Variants in NRXN3 observed in about 807,000 individuals in gnomAD.
NRXN3 encodes neurexin 3.
NRXN3 carries 32 observed loss-of-function variants against 137.6 expected under a neutral mutation model. That is an observed-to-expected ratio of 0.23 (90% CI 0.18 to 0.31). The LOEUF is 0.31. Among genes scored for constraint, NRXN3 ranks in the 10% least tolerant of loss-of-function variants. NRXN3 has a pLI of 1.00. For synonymous variants in NRXN3, 798 were observed against 784.5 expected (o/e 1.02, Z -0.29); for missense variants, 1,574 against 2,062.5 (o/e 0.76, Z 4.59).
chr14:78,290,582 C>T (rs560252099), intron 3 of NRXN3, among the ~76,000 whole-genome samples: 54 of 152,154 alleles, frequency 3.5e-4, no homozygotes, highest in African/African-American at 9.9e-4. Context: ...CAGTGAGCCA[C>T]GATCCACGAT....
intron 16 of NRXN3, among the ~76,000 whole-genome samples, chr14:79,614,215 G>GT (rs1225283842): frequency 6.6e-6 from 1 of 152,190 alleles, no homozygotes; most frequent in Non-Finnish European, 1.5e-5. Flanking sequence ...CATATACAAA[G>GT]TGTTTGAAGT....
chr14:78,859,365 GA>G (rs1041141583), intron 10 of NRXN3, among the ~76,000 whole-genome samples: 17 of 152,106 alleles, frequency 1.1e-4, no homozygotes, highest in African/African-American at 3.9e-4. Context: ...CTGGAATAAA[GA>G]GTAATAAAAC....
At chr14:78,343,308 A>T (rs2082346208) in intron 4 of NRXN3, among the ~76,000 whole-genome samples, 2 of 152,156 alleles carry the variant, frequency 1.3e-5, no homozygotes, top group Admixed American at 6.5e-5. Flanking sequence ...TCTATCTATG[A>T]TGAGGGTCAA....
At chr14:79,138,942 TG>T (rs1225406337) in intron 15 of NRXN3, among the ~76,000 whole-genome samples, 1 of 152,136 alleles carries the variant, frequency 6.6e-6, no homozygotes, top group East Asian at 1.9e-4. Context: ...ATGGAGGAGA[TG>T]GGGATGGATT....
chr14:78,708,048 T>C (rs996087822), intron 6 of NRXN3, among the ~76,000 whole-genome samples: 2 of 152,226 alleles, frequency 1.3e-5, no homozygotes, highest in Non-Finnish European at 2.9e-5. Flanking sequence ...TGACTTCTTT[T>C]CCTCTGGGTA....
intron 15 of NRXN3, among the ~76,000 whole-genome samples, chr14:79,146,420 G>A (rs1439171505): frequency 6.6e-6 from 1 of 152,080 alleles, no homozygotes; most frequent in African/African-American, 2.4e-5. Context: ...ATAGTAACAT[G>A]ACAAATTCAA....
chr14:78,824,447 A>C (rs1331072687), intron 10 of NRXN3, among the ~76,000 whole-genome samples: 1 of 152,208 alleles, frequency 6.6e-6, no homozygotes, highest in East Asian at 1.9e-4. Context: ...GCACGGTGCT[A>C]ATCATATAGA....
intron 20 of NRXN3, among the ~76,000 whole-genome samples, chr14:79,833,971 A>G (rs2099330067): frequency 6.6e-6 from 1 of 152,192 alleles, no homozygotes; most frequent in South Asian, 2.1e-4. Flanking sequence ...GTAAACAGGC[A>G]GAGGAAAAGA....
chr14:79,799,494 A>T (rs1161148102), intron 19 of NRXN3, among the ~76,000 whole-genome samples: 3 of 152,206 alleles, frequency 2.0e-5, no homozygotes, highest in Non-Finnish European at 4.4e-5. Context: ...AGGGCAGGAC[A>T]TGAAATTCAT....
At chr14:79,365,841 G>T (rs1358138247) in intron 15 of NRXN3, among the ~76,000 whole-genome samples, 1 of 150,564 alleles carries the variant, frequency 6.6e-6, no homozygotes, top group Non-Finnish European at 1.5e-5. Context: ...TTTTTTTAAA[G>T]GTGCCTTCAA....
intron 10 of NRXN3, among the ~76,000 whole-genome samples, chr14:78,851,451 C>T (rs573375238): frequency 3.3e-5 from 5 of 152,256 alleles, no homozygotes; most frequent in African/African-American, 1.2e-4. Flanking sequence ...GAGAGTGTGG[C>T]CTAGATCTCA....
At chr14:78,226,531 T>C (rs972483140) in intron 1 of NRXN3, among the ~76,000 whole-genome samples, 2 of 152,206 alleles carry the variant, frequency 1.3e-5, no homozygotes, top group Admixed American at 1.3e-4. Context: ...TAGCAGGTTT[T>C]TGAAAGCTAA....
At chr14:79,598,892 T>G (rs957825292) in intron 16 of NRXN3, among the ~76,000 whole-genome samples, 5 of 152,154 alleles carry the variant, frequency 3.3e-5, no homozygotes, top group African/African-American at 1.2e-4. Flanking sequence ...CAGACATGGG[T>G]TAGAAGAGGT....
intron 4 of NRXN3, among the ~76,000 whole-genome samples, chr14:78,494,358 C>T (rs192820666): frequency 4.0e-5 from 6 of 149,948 alleles, no homozygotes; most frequent in Admixed American, 2.7e-4. Flanking sequence ...CCATATTTGG[C>T]GTGTTTTGTT....
At chr14:78,171,656 C>T (rs1197467817) in intron 1 of NRXN3, among the ~76,000 whole-genome samples, 1 of 151,806 alleles carries the variant, frequency 6.6e-6, no homozygotes, top group Non-Finnish European at 1.5e-5. Context: ...CCCCCCACCC[C>T]CCATCCCTTC....
chr14:79,747,016 T>C (rs761526008), intron 19 of NRXN3, among the ~76,000 whole-genome samples: 41 of 152,108 alleles, frequency 2.7e-4, no homozygotes, highest in African/African-American at 9.2e-4. Flanking sequence ...CCTTCTCTTA[T>C]CCCTCAAGTA....
intron 15 of NRXN3, among the ~76,000 whole-genome samples, chr14:79,465,867 C>T (rs1184195159): frequency 1.3e-5 from 2 of 152,184 alleles, no homozygotes; most frequent in African/African-American, 4.8e-5. Flanking sequence ...TGGGTAACAC[C>T]ACTTGCCTAA....
At chr14:78,867,378 T>C (rs1157076075) in intron 10 of NRXN3, among the ~76,000 whole-genome samples, 1 of 152,214 alleles carries the variant, frequency 6.6e-6, no homozygotes, top group Non-Finnish European at 1.5e-5. Flanking sequence ...TCTTTCTTTT[T>C]AAAAAGATGT....
rs115563204 is a variant in NRXN3, at chr14:79,437,805, A to C, written c.3263-29416A>C. Among the ~76,000 whole-genome samples, 1,220 of 152,268 alleles carry C rather than the reference A, an allele frequency of 8.0e-3. 16 individuals are homozygous for C. The highest frequency in any genetic ancestry group is 0.029 in the African/African-American group (1,186 of 41,542). ...TCATCAACCTAAATCTGCCACATAC[A>C]ATCTCTGTGATCCTGGGGAAGTCAC... On this transcript the variant is annotated intron_variant, in intron 15 of 20. Coordinates refer to ENST00000335750, the MANE Select transcript of NRXN3 (RefSeq NM_001330195.2).
Sources: allele counts gnomAD v4.1 joint callset (sites outside exome capture counted in the v4.1 genomes callset), GRCh38; gene constraint gnomAD v4.1.1; transcripts MANE v1.5; gene names NCBI Gene and HGNC (gene_info 2026-07-23, HGNC 2026-07-21).